SNRNP200: variants seen among roughly 807,000 people sequenced by gnomAD.
SNRNP200 encodes the protein small nuclear ribonucleoprotein U5 subunit 200.
Under a neutral mutation model 255.2 loss-of-function variants are expected in SNRNP200, and 66 were observed. That is an observed-to-expected ratio of 0.26 (90% CI 0.21 to 0.32). The LOEUF is 0.32. Among genes scored for constraint, SNRNP200 ranks in the 10% least tolerant of loss-of-function variants. The probability of loss-of-function intolerance (pLI) is 1.00; values close to 1 mark genes in which losing one functional copy is unlikely to be tolerated. For synonymous variants in SNRNP200, 939 were observed against 1,027.8 expected (o/e 0.91, Z 1.65); for missense variants, 1,585 against 2,749.8 (o/e 0.58, Z 9.47).
At position 96,275,198 on chromosome 2, in the gene SNRNP200, A is replaced by G. The variant is rs138542869; in HGVS notation, c.6268-43T>C. On this transcript the variant is annotated intron_variant, in intron 44 of 44. Coordinates refer to ENST00000323853, the MANE Select transcript of SNRNP200 (RefSeq NM_014014.5). ...AAATCAAGATGAGCATGGACACAGG[A>G]AGCATTCTCACCCTTCCCCCATGCC... The G allele has an allele frequency of 3.7e-4, 594 of 1,614,148 alleles. 4 individuals are homozygous for G. The African/African-American group carries it at 7.0e-3, about 19-fold the overall frequency.
intron 36 of SNRNP200, chr2:96,279,237 G>C (rs181805898): frequency 1.5e-6 from 1 of 646,346 alleles, no homozygotes; most frequent in Middle Eastern, 4.0e-4. Flanking sequence ...ACCAAGTAGA[G>C]GGTGAAGACC....
In SNRNP200 at chr2:96,296,707, G is replaced by A. The variant is rs992270395; in HGVS notation, c.1516-16C>T. ...TCCCAGCACCCTACGGGAGAGGTCA[G>A]GGATGAGAACGCCTATTCACCTGGT... On this transcript the variant is annotated splice_polypyrimidine_tract_variant and intron_variant, in intron 12 of 44. Coordinates refer to ENST00000323853, the MANE Select transcript of SNRNP200 (RefSeq NM_014014.5). 9 of 1,613,964 alleles carry A rather than the reference G, an allele frequency of 5.6e-6. No homozygotes were observed. In the African/African-American group the frequency reaches 1.1e-4, roughly 19 times the overall value.
intron 31 of SNRNP200, 24 bp from the exon 32 acceptor site, chr2:96,284,028 G>T: frequency 2.2e-5 from 17 of 762,064 alleles, no homozygotes; most frequent in African/African-American, 5.2e-5. Context: ...GGGAGGGAGG[G>T]TCACTGCAGG....
chr2:96,277,400 A>C lies in SNRNP200; in HGVS notation c.5931+139T>G. 2 of 1,284,798 alleles carry C rather than the reference A, an allele frequency of 1.6e-6. No individual in the cohort carries two copies. Among genetic ancestry groups the C allele is most frequent in the East Asian group, 4.6e-5 (2 of 43,140 alleles). The allele number at this position is 1,284,798 out of a possible 1,614,324, so 79.6% of individuals were successfully genotyped here. Reference sequence around the variant, plus strand: ...GCCCACAGTTGGCAGGCTCTCTAGCATCTCAACAGGGAGCACCTTCGGAGG... The same window carrying C: ...GCCCACAGTTGGCAGGCTCTCTAGCCTCTCAACAGGGAGCACCTTCGGAGG... On this transcript the variant is annotated intron_variant, in intron 41 of 44. Transcript: ENST00000323853. The surrounding 1 kb of genome is among the most constrained non-coding windows in gnomAD (Gnocchi z 4.4).
chr2:96,287,166 AG>A lies in SNRNP200; in HGVS notation c.3485-7del. Reference sequence around the variant, plus strand: ...TGGCATGCGGATAAGCTCCCCTACAAGGAAATGAGAGTACTGAGGCTGCAGC... The same window carrying A: ...TGGCATGCGGATAAGCTCCCCTACAAGAAATGAGAGTACTGAGGCTGCAGC... On this transcript the variant is annotated splice_polypyrimidine_tract_variant and splice_region_variant and intron_variant, in intron 26 of 44. Coordinates refer to ENST00000323853, the MANE Select transcript of SNRNP200 (RefSeq NM_014014.5). This position sits in a 1 kb window ranked among gnomAD's most constrained non-coding sequence, Gnocchi z 5.7. The A allele has an allele frequency of 6.2e-7, 1 of 1,614,208 alleles. No homozygotes were observed.
chr2:96,286,636 C>G lies in SNRNP200; in HGVS notation c.3829+52G>C, dbSNP rs2063845460. 1 of 1,604,702 alleles carries G rather than the reference C, an allele frequency of 6.2e-7. No individual in the cohort carries two copies. Among genetic ancestry groups the G allele is most frequent in the South Asian group, 1.1e-5 (1 of 90,740 alleles). On this transcript the variant is annotated intron_variant, in intron 28 of 44. Transcript: ENST00000323853. This position sits in a 1 kb window ranked among gnomAD's most constrained non-coding sequence, Gnocchi z 4.8. ...CCGGGACAAAGTGCAAGACATTCTT[C>G]TACTGTCCTTGGAGGGACTGTTCCT...
Position 96,275,246 on chromosome 2 carries a change from G to T in SNRNP200, c.6267+11C>A. On this transcript the variant is annotated intron_variant, in intron 44 of 44. Coordinates refer to ENST00000323853, the MANE Select transcript of SNRNP200 (RefSeq NM_014014.5). ...GCCAGAACAAATGCTAGGGCCAGTG[G>T]ACACACTCACCTTGGCCTTCTGCTG... 1 of 1,613,952 alleles carries T rather than the reference G, an allele frequency of 6.2e-7. No homozygotes were observed.
Position 96,289,044 on chromosome 2 carries a change from C to A in SNRNP200, c.3167G>T (p.Ser1056Ile). ...IPVKESIEEP[S>I]AKINVLLQAF... is the part of the protein sequence containing the mutation. ...AAGAGGAGAGGAGCTCACCTTAGCA[C>A]TGGGTTCCTCAATGCTCTCCTTTAC... The change falls in exon 23 of 45, where the codon AGT (serine) becomes ATT (isoleucine). Residue 1056 changes from serine to isoleucine, a missense_variant. Physicochemically the swap from Ser to Ile is moderately radical, Grantham distance 142. This residue lies in a region of SNRNP200 where 719 missense variants were observed against 1,091.1 expected (regional missense o/e 0.66). Transcript: ENST00000323853. 6.2e-7 allele frequency: 1 copy of A among 1,610,994 alleles called. No homozygotes were observed. The highest frequency in any genetic ancestry group is 8.5e-7 in the Non-Finnish European group (1 of 1,178,284).
At position 96,287,551 on chromosome 2, in the gene SNRNP200, C is replaced by T; in HGVS notation, c.3372G>A (p.Gln1124=). Residue 1124 remains glutamine (Q), a synonymous_variant, in exon 26 of 45, where the codon CAG becomes CAA. Transcript: ENST00000323853. This position sits in a 1 kb window ranked among gnomAD's most constrained non-coding sequence, Gnocchi z 5.7. The part of the protein sequence containing the change: ...LCKMIDKRMW[Q]SMCPLRQFRK... ...GGAACTGGCGCAGAGGACACATGGACTGCCACCTATCCAGGAAGGAGGCAA... is the reference window on the plus strand; with the variant it reads ...GGAACTGGCGCAGAGGACACATGGATTGCCACCTATCCAGGAAGGAGGCAA... 6.2e-7 allele frequency: 1 copy of T among 1,612,776 alleles called. No homozygotes were observed. Among genetic ancestry groups the T allele is most frequent in the Non-Finnish European group, 8.5e-7 (1 of 1,178,746 alleles).
chr2:96,284,749 CTTTT>C (rs71791481), intron 30 of SNRNP200, 164 bp from the exon 31 acceptor site: 1 of 552,536 alleles, frequency 1.8e-6, no homozygotes, highest in Non-Finnish European at 3.2e-6. Context: ...GCAGCTTTTT[CTTTT>C]TTTTTTTTCT....
rs999798431 is a variant in SNRNP200 at position 96,296,857 on chromosome 2, G to A, written c.1515+76C>T. ...GGACAAAGAATTAGGGGGTGGGGGT[G>A]GAAATAAAAAACAATCTTGCAACGG... On this transcript the variant is annotated intron_variant, in intron 12 of 44. Coordinates refer to ENST00000323853, the MANE Select transcript of SNRNP200 (RefSeq NM_014014.5). The A allele has an allele frequency of 5.6e-5, 90 of 1,594,700 alleles. No individual in the cohort carries two copies. In the African/African-American group the frequency reaches 9.3e-4, roughly 16 times the overall value.
At position 96,286,625 on chromosome 2, in the gene SNRNP200, A is replaced by C. The variant is rs2063845419; in HGVS notation, c.3829+63T>G. 1 of 1,601,292 alleles carries C rather than the reference A, an allele frequency of 6.2e-7. No homozygotes were observed. The highest frequency in any genetic ancestry group is 8.5e-7 in the Non-Finnish European group (1 of 1,171,024). ...CAAGGGCAAGCCCGGGACAAAGTGC[A>C]AGACATTCTTCTACTGTCCTTGGAG... On this transcript the variant is annotated intron_variant, in intron 28 of 44. Coordinates refer to ENST00000323853, the MANE Select transcript of SNRNP200 (RefSeq NM_014014.5). This position sits in a 1 kb window ranked among gnomAD's most constrained non-coding sequence, Gnocchi z 4.8.
chr2:96,296,743 G>GC, intron 12 of SNRNP200, 52 bp from the exon 13 acceptor site: 1 of 1,601,362 alleles, frequency 6.2e-7, no homozygotes, highest in South Asian at 1.1e-5. Flanking sequence ...TATTCTCACT[G>GC]CCCTAACTTC....
intron 3 of SNRNP200, among the ~76,000 whole-genome samples, chr2:96,302,782 T>C (rs1160187148): frequency 3.3e-5 from 5 of 152,182 alleles, no homozygotes; most frequent in Admixed American, 6.5e-5. Context: ...CACTTATTTT[T>C]ACTATAAGGC....
Position 96,300,947 on chromosome 2 carries a change from A to G in SNRNP200, c.630+51T>C, listed in dbSNP as rs751530153. The G allele has an allele frequency of 3.7e-5, 56 of 1,497,366 alleles. No individual in the cohort carries two copies. In the East Asian group the frequency reaches 1.2e-3, roughly 32 times the overall value. The allele number at this position is 1,497,366 out of a possible 1,614,324, so 92.8% of individuals were successfully genotyped here. On this transcript the variant is annotated intron_variant, in intron 5 of 44. Transcript: ENST00000323853. Reference sequence around the variant, plus strand: ...TGTTTACACTAGAAGGGGTCCCTTTACCTTAATCAACGTCAAAAACAAGAA... The same window carrying G: ...TGTTTACACTAGAAGGGGTCCCTTTGCCTTAATCAACGTCAAAAACAAGAA...
chr2:96,304,116 C>T (rs955162748), intron 2 of SNRNP200, among the ~76,000 whole-genome samples: 2 of 151,852 alleles, frequency 1.3e-5, no homozygotes, highest in African/African-American at 4.8e-5. Flanking sequence ...AACATAACTA[C>T]TTTAATCAAA....
Position 96,290,707 on chromosome 2 carries a change from G to A in SNRNP200, c.2530C>T (p.Leu844=). ...YSPEKGRWTE[L]GALDILQMLG... ...ACCTGCAGAATGTCCAGTGCTCCCA[G>A]TTCTGTCCAACGCCCCTTCTCTGGA... The change falls in exon 19 of 45, where the codon CTG becomes TTG. Residue 844 remains leucine, a synonymous_variant. Transcript: ENST00000323853. This position sits in a 1 kb window ranked among gnomAD's most constrained non-coding sequence, Gnocchi z 4.5. The A allele has an allele frequency of 6.2e-7, 1 of 1,614,190 alleles. No homozygotes were observed. Among genetic ancestry groups the A allele is most frequent in the Non-Finnish European group, 8.5e-7 (1 of 1,180,038 alleles).
chr2:96,296,720 C>T (rs969420093), intron 12 of SNRNP200, 29 bp from the exon 13 acceptor site: 2 of 1,613,612 alleles, frequency 1.2e-6, no homozygotes, highest in Admixed American at 1.7e-5. Flanking sequence ...ATGAGAACGC[C>T]TATTCACCTG....
At position 96,288,651 on chromosome 2, in the gene SNRNP200, C is replaced by T. The variant is rs886056461; in HGVS notation, c.3258+12G>A. 3 of 1,612,490 alleles carry T rather than the reference C, an allele frequency of 1.9e-6. No individual in the cohort carries two copies. The highest frequency in any genetic ancestry group is 2.5e-6 in the Non-Finnish European group (3 of 1,178,504). ...GCCCCTTCTCACAGCTGCCATACAA[C>T]TCCGCTCTCACCTGTGTGACATACA... On this transcript the variant is annotated intron_variant, in intron 24 of 44. Transcript: ENST00000323853.
Sources: allele counts gnomAD v4.1 joint callset (sites outside exome capture counted in the v4.1 genomes callset), GRCh38; gene constraint gnomAD v4.1.1; regional missense constraint gnomAD v4.1.1; non-coding constraint Gnocchi (gnomAD v3.1); transcripts MANE v1.5; gene names NCBI Gene and HGNC (gene_info 2026-07-23, HGNC 2026-07-21).